Variants in RSU1 observed in about 807,000 individuals in gnomAD.
RSU1 encodes rsu-1.
RSU1 carries 26 observed loss-of-function variants against 31.1 expected under a neutral mutation model. The observed-to-expected ratio is 0.84, with a 90% CI of 0.61 to 1.16. The LOEUF (loss-of-function observed/expected upper bound fraction) is 1.16. RSU1 is among the 50% of genes most tolerant of loss of function. The probability of loss-of-function intolerance (pLI) is 0.00; values close to 1 mark genes in which losing one functional copy is unlikely to be tolerated. For synonymous variants in RSU1, 164 were observed against 136.3 expected, an observed-to-expected ratio of 1.20 and a Z score of -1.41; for missense variants, 320 against 339.1, an observed-to-expected ratio of 0.94 and a Z score of 0.44.
chr10:16,762,502 A>G (rs2131629569), intron 4 of RSU1, among the ~76,000 whole-genome samples: 1 of 147,642 alleles, frequency 6.8e-6, no homozygotes, highest in African/African-American at 2.5e-5. Context: ...ACAGGCTCCA[A>G]ATTTGTAGGG....
At chr10:16,651,155 A>T (rs1369901804) in intron 8 of RSU1, among the ~76,000 whole-genome samples, 1 of 152,204 alleles carries the variant, frequency 6.6e-6, no homozygotes, top group Non-Finnish European at 1.5e-5. Context: ...CTGAGCTATG[A>T]TGTTCCTTTT....
intron 7 of RSU1, among the ~76,000 whole-genome samples, chr10:16,704,757 T>C (rs77018349): frequency 5.3e-5 from 8 of 152,362 alleles, no homozygotes; most frequent in Non-Finnish European, 1.0e-4. Flanking sequence ...TTCTTTTTGA[T>C]TAGTTTTTTT....
intron 8 of RSU1, among the ~76,000 whole-genome samples, chr10:16,636,510 T>C (rs1834346961): frequency 6.6e-6 from 1 of 152,214 alleles, no homozygotes; most frequent in South Asian, 2.1e-4. Flanking sequence ...GCCTGGATGA[T>C]TGCAGTTGCC....
In RSU1 at chr10:16,762,995, C is replaced by CA. The variant is rs11341912; in HGVS notation, c.281+1394dup. Among the ~76,000 whole-genome samples the CA allele has an allele frequency of 4.0e-3, 530 of 131,104 alleles. 10 individuals are homozygous for CA. The East Asian group carries it at 0.047, about 12-fold the overall frequency. 86.0% of individuals were successfully genotyped at this position (131,104 alleles called of 152,430 possible). On this transcript the variant is annotated intron_variant, in intron 4 of 8. Transcript: ENST00000345264. ...CTGGTGACAAAGCAAGACTCTGTCT[C>CA]AAAAAAAAAAAAACAAAAACAAAAA...
In RSU1 at chr10:16,782,074, G is replaced by C. The variant is rs146386339; in HGVS notation, c.120C>G (p.Ser40=). ...GGCTGAGGACCAGTTGTGTGATATG[G>C]GATAAGGTAACTAAAAAGAAAAGAA... is the stretch of plus-strand genomic sequence containing the variant. ...MLDVNGLFTL[S]HITQLVLSHN... is the part of the protein sequence containing the mutation. The change falls in exon 3 of 9, where the codon TCC becomes TCG. Residue 40 remains serine (S), a synonymous_variant. Coordinates refer to ENST00000345264, the MANE Select transcript of RSU1 (RefSeq NM_012425.4). The C allele has an allele frequency of 6.2e-6, 10 of 1,611,458 alleles. No homozygotes were observed. The highest frequency in any genetic ancestry group is 8.5e-6 in the Non-Finnish European group (10 of 1,179,214).
At chr10:16,729,431 A>G (rs1836458586) in intron 7 of RSU1, among the ~76,000 whole-genome samples, 1 of 152,116 alleles carries the variant, frequency 6.6e-6, no homozygotes, top group African/African-American at 2.4e-5. Flanking sequence ...ATTAACAGAT[A>G]AGCCCAAGTA....
intron 2 of RSU1, 56 bp from the exon 3 acceptor site, chr10:16,782,140 A>T: frequency 7.1e-7 from 1 of 1,408,204 alleles, no homozygotes; most frequent in Non-Finnish European, 1.0e-6. Context: ...CTGTATCCGG[A>T]TTCTACCTGT....
rs1837277090 is a variant in RSU1, at chr10:16,764,649, T to C, written c.161-139A>G. ...CCATCGAATTCACCTACCGGTCTTA[T>C]TTATTTTTTACAGGTTTTTCATAAG... On this transcript the variant is annotated intron_variant, in intron 3 of 8. Coordinates refer to ENST00000345264, the MANE Select transcript of RSU1 (RefSeq NM_012425.4). 5.6e-6 allele frequency: 5 copies of C among 892,318 alleles called. No individual in the cohort carries two copies. The South Asian group carries it at 1.0e-4, about 18-fold the overall frequency. 55.3% of individuals were successfully genotyped at this position (892,318 alleles called of 1,614,324 possible).
chr10:16,746,065 T>A (rs1836846989), intron 7 of RSU1, among the ~76,000 whole-genome samples: 1 of 152,234 alleles, frequency 6.6e-6, no homozygotes, highest in South Asian at 2.1e-4. Flanking sequence ...GATTTTTGAC[T>A]GTACATCCAC....
intron 2 of RSU1, among the ~76,000 whole-genome samples, chr10:16,792,417 G>C (rs1837942359): frequency 6.6e-6 from 1 of 152,152 alleles, no homozygotes; most frequent in Non-Finnish European, 1.5e-5. Context: ...ATTTTTAATA[G>C]AGACGGGGTT....
intron 8 of RSU1, among the ~76,000 whole-genome samples, chr10:16,656,833 T>C (rs1353802513): frequency 6.6e-6 from 1 of 152,194 alleles, no homozygotes; most frequent in Non-Finnish European, 1.5e-5. Flanking sequence ...AAATATGCCA[T>C]CTAATTAAAA....
chr10:16,620,776 C>T (rs1286237556), intron 8 of RSU1, among the ~76,000 whole-genome samples: 4 of 150,838 alleles, frequency 2.7e-5, no homozygotes, highest in Admixed American at 6.6e-5. Flanking sequence ...ACCCAGGAGG[C>T]GGAGCTTGCA....
chr10:16,641,783 CT>C (rs1262131175), intron 8 of RSU1, among the ~76,000 whole-genome samples: 3 of 152,204 alleles, frequency 2.0e-5, no homozygotes, highest in Non-Finnish European at 4.4e-5. Flanking sequence ...GTCGTGCCCA[CT>C]TTCACAGCAG....
At chr10:16,596,933 T>A (rs1315568182) in intron 8 of RSU1, among the ~76,000 whole-genome samples, 1 of 152,114 alleles carries the variant, frequency 6.6e-6, no homozygotes, top group East Asian at 1.9e-4. Context: ...ACGTTGGACA[T>A]GCTGGTCTCA....
intron 8 of RSU1, among the ~76,000 whole-genome samples, chr10:16,606,727 G>A (rs1338877801): frequency 3.3e-5 from 5 of 152,200 alleles, no homozygotes; most frequent in African/African-American, 9.6e-5. Flanking sequence ...TAGAGGTAGT[G>A]ACATTACACA....
chr10:16,656,487 C>T (rs979056992), intron 8 of RSU1, among the ~76,000 whole-genome samples: 3 of 152,166 alleles, frequency 2.0e-5, no homozygotes, highest in African/African-American at 4.8e-5. Context: ...GATTACCTTA[C>T]GTACAAAATA....
chr10:16,804,671 G>A (rs1838227743), intron 2 of RSU1, among the ~76,000 whole-genome samples: 1 of 152,164 alleles, frequency 6.6e-6, no homozygotes, highest in South Asian at 2.1e-4. Context: ...AAAAAGACAT[G>A]GCGGAATCTT....
At chr10:16,631,895 T>C (rs925466276) in intron 8 of RSU1, among the ~76,000 whole-genome samples, 1 of 152,216 alleles carries the variant, frequency 6.6e-6, no homozygotes, top group African/African-American at 2.4e-5. Flanking sequence ...CAAGTTTGGA[T>C]TGGTCTCGGT....
chr10:16,676,279 A>G (rs1014874003), intron 8 of RSU1, among the ~76,000 whole-genome samples: 44 of 152,324 alleles, frequency 2.9e-4, no homozygotes, highest in Admixed American at 1.4e-3. Context: ...ACAGTTCTGC[A>G]TGGCTGGGGA....
Sources: allele counts gnomAD v4.1 joint callset (sites outside exome capture counted in the v4.1 genomes callset), GRCh38; gene constraint gnomAD v4.1.1; transcripts MANE v1.5; gene names NCBI Gene and HGNC (gene_info 2026-07-23, HGNC 2026-07-21).